Variants in SKIC2 observed in about 807,000 individuals in gnomAD.
SKIC2 encodes the protein SKI2 subunit of superkiller complex.
chr6:31,965,816 G>A, the SKIC2 span: 7 of 1,612,370 alleles, frequency 4.3e-6, no homozygotes, highest in Middle Eastern at 1.6e-4. This position sits in a 1 kb window ranked among gnomAD's most constrained non-coding sequence, Gnocchi z 5.6. Flanking sequence ...TGCCATGGGA[G>A]TAAACATGCC....
the SKIC2 span, chr6:31,969,485 CA>C: frequency 6.2e-7 from 1 of 1,613,014 alleles, no homozygotes; most frequent in Non-Finnish European, 8.5e-7. The surrounding 1 kb of genome is among the most constrained non-coding windows in gnomAD (Gnocchi z 6.1). Flanking sequence ...AGGCTGAGTG[CA>C]TCCAGTCCTC....
At chr6:31,967,998 T>G in the SKIC2 span, 2 of 1,612,970 alleles carry the variant, frequency 1.2e-6, no homozygotes, top group African/African-American at 1.3e-5. This position sits in a 1 kb window ranked among gnomAD's most constrained non-coding sequence, Gnocchi z 4.9. Flanking sequence ...CCAGGAGATA[T>G]GGCTGCCATC....
At chr6:31,964,453 CTG>C in the SKIC2 span, 1 of 767,062 alleles carries the variant, frequency 1.3e-6, no homozygotes, top group African/African-American at 1.7e-5. The surrounding 1 kb of genome is among the most constrained non-coding windows in gnomAD (Gnocchi z 5.0). Flanking sequence ...GGTTAAGAAT[CTG>C]GGCTCTGGAT....
chr6:31,960,033 T>C, the SKIC2 span: 1 of 1,613,082 alleles, frequency 6.2e-7, no homozygotes, highest in Non-Finnish European at 8.5e-7. Context: ...TCCCTCCTTG[T>C]GCCCCAGATC....
chr6:31,967,602 G>A, the SKIC2 span: 1 of 1,241,786 alleles, frequency 8.1e-7, no homozygotes, highest in African/African-American at 1.5e-5. The surrounding 1 kb of genome is among the most constrained non-coding windows in gnomAD (Gnocchi z 4.9). Context: ...CCTCTCTACT[G>A]GTGAGCTCTG....
chr6:31,959,389 CCA>C, the SKIC2 span: 1 of 1,612,214 alleles, frequency 6.2e-7, no homozygotes, highest in Non-Finnish European at 8.5e-7. Context: ...GCCTGGAGCT[CCA>C]GAGAGTAGCG....
At chr6:31,966,653 G>C in the SKIC2 span, 1 of 1,597,348 alleles carries the variant, frequency 6.3e-7, no homozygotes, top group Non-Finnish European at 8.6e-7. The surrounding 1 kb of genome is among the most constrained non-coding windows in gnomAD (Gnocchi z 5.9). Context: ...CAGAAGACTG[G>C]CTGGGGTTCA....
chr6:31,964,410 A>T, the SKIC2 span: 1 of 1,179,310 alleles, frequency 8.5e-7, no homozygotes, highest in Non-Finnish European at 1.2e-6. The surrounding 1 kb of genome is among the most constrained non-coding windows in gnomAD (Gnocchi z 5.0). Context: ...CCCAGAGGGC[A>T]GAGGGGCAGA....
the SKIC2 span, chr6:31,968,739 CT>C: frequency 1.2e-6 from 2 of 1,612,940 alleles, no homozygotes; most frequent in South Asian, 2.2e-5. This position sits in a 1 kb window ranked among gnomAD's most constrained non-coding sequence, Gnocchi z 6.1. Context: ...AGCGGCTGCG[CT>C]TCCTACTGTC....
At chr6:31,960,215 T>G in the SKIC2 span, 1 of 1,612,240 alleles carries the variant, frequency 6.2e-7, no homozygotes, top group Admixed American at 1.7e-5. Context: ...TATTTTTCTC[T>G]CCAGAAAATG....
the SKIC2 span, chr6:31,963,639 A>G: frequency 6.5e-7 from 1 of 1,545,002 alleles, no homozygotes; most frequent in Non-Finnish European, 8.7e-7. This position sits in a 1 kb window ranked among gnomAD's most constrained non-coding sequence, Gnocchi z 5.3. Context: ...TGCCCCAGGT[A>G]CTATGCAGCT....
At chr6:31,968,700 G>A in the SKIC2 span, 1,242 of 1,612,588 alleles carry the variant, frequency 7.7e-4, 12 homozygotes, top group African/African-American at 0.013. The surrounding 1 kb of genome is among the most constrained non-coding windows in gnomAD (Gnocchi z 6.1). Flanking sequence ...TGAAGCTGCG[G>A]GAGCGAATGC....
At chr6:31,959,305 C>A in the SKIC2 span, 2 of 1,613,462 alleles carry the variant, frequency 1.2e-6, no homozygotes, top group Non-Finnish European at 1.7e-6. Flanking sequence ...AGTGCTACCC[C>A]CTCCAGATCC....
At chr6:31,969,183 A>G in the SKIC2 span, 11 of 1,553,076 alleles carry the variant, frequency 7.1e-6, no homozygotes, top group Non-Finnish European at 9.7e-6. This position sits in a 1 kb window ranked among gnomAD's most constrained non-coding sequence, Gnocchi z 6.1. Flanking sequence ...CCAGCCCTGT[A>G]AGTGCCCCAA....
chr6:31,963,123 A>AG, the SKIC2 span: 1 of 1,419,980 alleles, frequency 7.0e-7, no homozygotes, highest in Non-Finnish European at 9.9e-7. This position sits in a 1 kb window ranked among gnomAD's most constrained non-coding sequence, Gnocchi z 5.3. Flanking sequence ...GCCTGGGTGA[A>AG]GGGGGCTACA....
the SKIC2 span, chr6:31,969,694 G>A: frequency 6.2e-6 from 10 of 1,600,756 alleles, no homozygotes; most frequent in African/African-American, 4.0e-5. This position sits in a 1 kb window ranked among gnomAD's most constrained non-coding sequence, Gnocchi z 6.1. Context: ...TCGTATTTGC[G>A]GCCAGCCTCT....
chr6:31,965,918 C>T, the SKIC2 span: 2 of 1,613,032 alleles, frequency 1.2e-6, no homozygotes, highest in Non-Finnish European at 1.7e-6. The surrounding 1 kb of genome is among the most constrained non-coding windows in gnomAD (Gnocchi z 5.6). Flanking sequence ...GATGGCAGGC[C>T]GGGCAGGGCG....
the SKIC2 span, chr6:31,959,817 C>A: frequency 1.7e-6 from 1 of 596,940 alleles, no homozygotes; most frequent in Non-Finnish European, 3.0e-6. Flanking sequence ...TTCCTAGGTC[C>A]AGCCTCCATG....
chr6:31,963,623 TC>T, the SKIC2 span: 1 of 1,534,120 alleles, frequency 6.5e-7, no homozygotes, highest in Non-Finnish European at 8.8e-7. The surrounding 1 kb of genome is among the most constrained non-coding windows in gnomAD (Gnocchi z 5.3). Flanking sequence ...TGGCTACCCC[TC>T]CCTGTGCCCC....
Sources: gnomAD v4.1 joint callset for allele counts on GRCh38, gnomAD v4.1.1 for gene constraint, Gnocchi (gnomAD v3.1) non-coding constraint, MANE v1.5 for transcripts, NCBI Gene and HGNC (gene_info 2026-07-23, HGNC 2026-07-21) for gene names.